Variants in EXD3 observed in about 807,000 individuals in gnomAD.
The protein encoded by EXD3 is exonuclease 3'-5' domain containing 3, also known as exonuclease mut-7 homolog.
EXD3 carries 92 observed loss-of-function variants against 98.0 expected under a neutral mutation model. The ratio of observed to expected loss-of-function variants is 0.94; its 90% CI spans 0.79 to 1.12. The LOEUF is 1.12. EXD3 is among the 50% of genes most tolerant of loss of function. The pLI is 0.00. For synonymous variants in EXD3, 569 were observed against 526.0 expected, an observed-to-expected ratio of 1.08 and a Z score of -1.12; for missense variants, 1,222 against 1,191.6, an observed-to-expected ratio of 1.03 and a Z score of -0.38.
chr9:137,312,854 G>C (rs1831439892), intron 19 of EXD3, among the ~76,000 whole-genome samples: 1 of 152,148 alleles, frequency 6.6e-6, no homozygotes, highest in Non-Finnish European at 1.5e-5. Flanking sequence ...CCAGCGCTGG[G>C]CTGCAGAATG....
chr9:137,318,199 C>T (rs961803172), intron 19 of EXD3, among the ~76,000 whole-genome samples: 3 of 152,112 alleles, frequency 2.0e-5, no homozygotes, highest in African/African-American at 7.2e-5. Flanking sequence ...CCACTCTGTC[C>T]CCTCCTCGAG....
At position 137,403,393 on chromosome 9, in the gene EXD3, G is replaced by C. The variant is rs904356629; in HGVS notation, c.-47-7989C>G. ...GCACAGGCAGGGAGCTGCAGACCCC[G>C]TTCCTCTGTAGCCCTCCCCACCCCC... On this transcript the variant is annotated intron_variant, in intron 1 of 21. Transcript: ENST00000340951. The surrounding 1 kb of genome is among the most constrained non-coding windows in gnomAD (Gnocchi z 6.1). Among the ~76,000 whole-genome samples, 1 of 151,928 alleles carries C rather than the reference G, an allele frequency of 6.6e-6. No individual in the cohort carries two copies. Among genetic ancestry groups the C allele is most frequent in the Admixed American group, 6.5e-5 (1 of 15,268 alleles).
intron 3 of EXD3, among the ~76,000 whole-genome samples, chr9:137,381,515 G>C (rs987688262): frequency 6.6e-6 from 1 of 151,658 alleles, no homozygotes; most frequent in Non-Finnish European, 1.5e-5. Context: ...GCCCCACTCT[G>C]GGAGTGCGCC....
intron 7 of EXD3, chr9:137,365,973 C>T: frequency 1.9e-6 from 1 of 533,686 alleles, no homozygotes. Context: ...CGTGCACACA[C>T]AGAGACACAC....
At position 137,413,045 on chromosome 9, in the gene EXD3, G is replaced by A. The variant is rs1838071814; in HGVS notation, c.-48+10069C>T. Among the ~76,000 whole-genome samples, 4 of 152,108 alleles carry A rather than the reference G, an allele frequency of 2.6e-5. No homozygotes were observed. In the South Asian group the frequency reaches 8.3e-4, roughly 32 times the overall value. On this transcript the variant is annotated intron_variant, in intron 1 of 21. Coordinates refer to ENST00000340951, the MANE Select transcript of EXD3 (RefSeq NM_017820.5). ...AATCCTCCTGCCTCAACCTCCCTAA[G>A]TGCTGGGATTACAGGCGTGAGCCAC...
chr9:137,318,313 G>C (rs996446910), intron 19 of EXD3, among the ~76,000 whole-genome samples: 1 of 152,064 alleles, frequency 6.6e-6, no homozygotes, highest in East Asian at 1.9e-4. Context: ...GCTGGGCCCC[G>C]GCTGCCGGCA....
In EXD3 at chr9:137,354,779, AG is replaced by A. The variant is rs781469925; in HGVS notation, c.758-7del. 17 of 1,608,152 alleles carry A rather than the reference AG, an allele frequency of 1.1e-5. No individual in the cohort carries two copies. Among genetic ancestry groups the A allele is most frequent in the African/African-American group, 2.7e-5 (2 of 74,896 alleles). The stretch of plus-strand genomic sequence containing the variant: ...GGCCGCGTTGGGACACAGCGCTGAA[AG>A]GAAAGGCCAGCTCAGCACTGAGGGC... On this transcript the variant is annotated splice_polypyrimidine_tract_variant and splice_region_variant and intron_variant, in intron 8 of 21. Transcript: ENST00000340951.
intron 1 of EXD3, among the ~76,000 whole-genome samples, chr9:137,396,260 G>A (rs1032086569): frequency 1.3e-5 from 2 of 152,166 alleles, no homozygotes; most frequent in African/African-American, 4.8e-5. Context: ...GAGCCACCGC[G>A]CCTGGCCCCT....
At chr9:137,332,210 C>A (rs185688925) in intron 17 of EXD3, among the ~76,000 whole-genome samples, 3 of 152,074 alleles carry the variant, frequency 2.0e-5, no homozygotes, top group Non-Finnish European at 4.4e-5. Flanking sequence ...GTACCAACAT[C>A]GTTTTTCACA....
At chr9:137,336,062 T>C (rs1423544536) in intron 17 of EXD3, among the ~76,000 whole-genome samples, 2 of 152,158 alleles carry the variant, frequency 1.3e-5, no homozygotes, top group African/African-American at 2.4e-5. Flanking sequence ...CTGCATGTTC[T>C]CACTTATAAG....
chr9:137,370,066 C>G (rs1309131046), intron 5 of EXD3, among the ~76,000 whole-genome samples: 3 of 152,130 alleles, frequency 2.0e-5, no homozygotes, highest in Non-Finnish European at 4.4e-5. Flanking sequence ...TAGCTCCACC[C>G]TGGTAAGGGC....
intron 1 of EXD3, among the ~76,000 whole-genome samples, chr9:137,397,143 G>A (rs766207868): frequency 6.6e-6 from 1 of 152,222 alleles, no homozygotes; most frequent in Non-Finnish European, 1.5e-5. Context: ...CCAGCCAAGA[G>A]GAAGGACCCC....
chr9:137,339,848 C>T (rs1833555110), intron 17 of EXD3, among the ~76,000 whole-genome samples: 1 of 152,132 alleles, frequency 6.6e-6, no homozygotes, highest in Non-Finnish European at 1.5e-5. Context: ...GGATGGCTAC[C>T]ATCAGCATTT....
intron 19 of EXD3, among the ~76,000 whole-genome samples, chr9:137,315,743 T>TCCCC (rs1831613472): frequency 6.6e-6 from 1 of 151,872 alleles, no homozygotes; most frequent in Non-Finnish European, 1.5e-5. Flanking sequence ...GTTTGTCAGA[T>TCCCC]CCCCGGCCTG....
chr9:137,389,157 C>T (rs1295325318), intron 2 of EXD3, among the ~76,000 whole-genome samples: 1 of 152,194 alleles, frequency 6.6e-6, no homozygotes. Flanking sequence ...TCAGATTCCA[C>T]CCACATCTGC....
At chr9:137,360,640 T>C (rs1330337304) in intron 7 of EXD3, among the ~76,000 whole-genome samples, 1 of 84,136 alleles carries the variant, frequency 1.2e-5, no homozygotes, top group African/African-American at 3.3e-5. Context: ...TTTGTATTTT[T>C]AGTAGAGACG....
At chr9:137,414,398 A>G (rs1838143834) in intron 1 of EXD3, among the ~76,000 whole-genome samples, 1 of 151,996 alleles carries the variant, frequency 6.6e-6, no homozygotes, top group African/African-American at 2.4e-5. Flanking sequence ...GGCTGTTATA[A>G]ACAGTGCTGC....
chr9:137,317,666 C>T (rs1588231498), intron 19 of EXD3, among the ~76,000 whole-genome samples: 1 of 152,082 alleles, frequency 6.6e-6, no homozygotes, highest in Non-Finnish European at 1.5e-5. Context: ...TGTGGGTGGC[C>T]TCCTGGGGGA....
intron 1 of EXD3, among the ~76,000 whole-genome samples, chr9:137,414,511 T>C (rs1241141650): frequency 1.3e-5 from 2 of 152,178 alleles, no homozygotes; most frequent in Non-Finnish European, 2.9e-5. Flanking sequence ...TTTCTATGTT[T>C]AGCTTTTTGA....
Sources: gnomAD v4.1 joint callset for allele counts (sites outside exome capture counted in the v4.1 genomes callset) on GRCh38, gnomAD v4.1.1 for gene constraint, Gnocchi (gnomAD v3.1) non-coding constraint, MANE v1.5 for transcripts, NCBI Gene and HGNC (gene_info 2026-07-23, HGNC 2026-07-21) for gene names.